The following SQSTM1 variants were observed in gnomAD, a reference collection of about 807,000 sequenced individuals.
SQSTM1 encodes sequestosome 1, also known as sequestosome-1.
In SQSTM1, 36 loss-of-function variants were observed where a neutral mutation model predicts 45.1. That is an observed-to-expected ratio of 0.80 (90% CI 0.61 to 1.05). The LOEUF is 1.05. Ranked by LOEUF, SQSTM1 falls within the 50% of genes least tolerant of loss-of-function variation. The pLI is 0.00. For synonymous variants in SQSTM1, 290 were observed against 244.3 expected (o/e 1.19, Z -1.74); for missense variants, 617 against 607.1 (o/e 1.02, Z -0.17).
chr5:179,834,679 A>G (rs2113516757), intron 7 of SQSTM1, among the ~76,000 whole-genome samples: 1 of 152,276 alleles, frequency 6.6e-6, no homozygotes, highest in Non-Finnish European at 1.5e-5. Context: ...CCCTTAATCC[A>G]TTTAACCCTG....
chr5:179,816,755 C>T (rs1439163199), upstream of SQSTM1, among the ~76,000 whole-genome samples: 1 of 151,418 alleles, frequency 6.6e-6, no homozygotes, highest in Non-Finnish European at 1.5e-5. Flanking sequence ...GTCACTTTGC[C>T]GTCTTCCTCC....
At chr5:179,810,348 T>C (rs1045203873) in intron 1 of SQSTM1, among the ~76,000 whole-genome samples, 1 of 151,900 alleles carries the variant, frequency 6.6e-6, no homozygotes, top group Non-Finnish European at 1.5e-5. Context: ...AATTCCCACC[T>C]ATGAGTGAGA....
chr5:179,828,740 T>C lies in SQSTM1; in HGVS notation c.754+3514T>C, dbSNP rs1428277509. Among the ~76,000 whole-genome samples the C allele has an allele frequency of 2.6e-5, 4 of 152,204 alleles. No homozygotes were observed. In the East Asian group the frequency reaches 7.7e-4, roughly 29 times the overall value. ...AGAAAAATAATTTAAATATTACAGA[T>C]GGAGGTACTTGTAGTTAAGCCTGCT... is the stretch of plus-strand genomic sequence containing the variant. On this transcript the variant is annotated intron_variant, in intron 5 of 7. Coordinates refer to ENST00000389805, the MANE Select transcript of SQSTM1 (RefSeq NM_003900.5).
chr5:179,828,367 A>ATTTT (rs1758082914), intron 5 of SQSTM1, among the ~76,000 whole-genome samples: 2 of 94,660 alleles, frequency 2.1e-5, no homozygotes, highest in African/African-American at 8.5e-5. Context: ...TTTTTTTCTT[A>ATTTT]TCTTTTTTTT....
At chr5:179,820,384 C>A (rs976317069), upstream of SQSTM1, 2 of 152,590 alleles carry the variant, frequency 1.3e-5, no homozygotes, top group Non-Finnish European at 1.5e-5. Flanking sequence ...GGATGCCATG[C>A]GCTGTAAGAG....
At chr5:179,829,034 G>C (rs958600842) in intron 5 of SQSTM1, among the ~76,000 whole-genome samples, 18 of 152,178 alleles carry the variant, frequency 1.2e-4, no homozygotes, top group African/African-American at 3.6e-4. Context: ...CAGGAACAAG[G>C]GGGGAGGGTT....
chr5:179,806,440 C>T lies in SQSTM1; in HGVS notation c.-308C>T. ...CCACCGCCGGGCCCGCTCCCGCCGC[C>T]GACGCCCAGGTGCGCCAGGTGCGGG... On this transcript the variant is annotated 5_prime_UTR_variant, in exon 1 of 6. Transcript: ENST00000514093. This position sits in a 1 kb window ranked among gnomAD's most constrained non-coding sequence, Gnocchi z 4.6. 1.7e-6 allele frequency: 2 copies of T among 1,145,446 alleles called. No homozygotes were observed. Among genetic ancestry groups the T allele is most frequent in the Non-Finnish European group, 1.1e-6 (1 of 913,176 alleles). The allele number at this position is 1,145,446 out of a possible 1,614,324, so 71.0% of individuals were successfully genotyped here. A position where few individuals can be genotyped will look rare whatever the true frequency, so the allele number is the denominator to read the frequency against.
rs1439008947 is a variant in SQSTM1, at chr5:179,834,243, G to A, written c.1165+461G>A. On this transcript the variant is annotated intron_variant, in intron 7 of 7. Transcript: ENST00000389805. ...TGGTGTGGCAGGCAGCAGTGGGGGGGTGGGGGGTGGGGACAGCTGACAGAA... is the reference window on the plus strand; with the variant it reads ...TGGTGTGGCAGGCAGCAGTGGGGGGATGGGGGGTGGGGACAGCTGACAGAA... Among the ~76,000 whole-genome samples the A allele has an allele frequency of 1.6e-4, 15 of 93,504 alleles. 1 individual carries two copies. In the South Asian group the frequency reaches 4.0e-3, roughly 25 times the overall value. 61.3% of individuals were successfully genotyped at this position (93,504 alleles called of 152,430 possible).
In SQSTM1 at chr5:179,837,275, A is replaced by ATGAT. The variant is rs1448249434; in HGVS notation, c.*686_*689dup. On this transcript the variant is annotated 3_prime_UTR_variant, in exon 8 of 8. Coordinates refer to ENST00000389805, the MANE Select transcript of SQSTM1 (RefSeq NM_003900.5). ...ACCAATGACGTTTGCATAGAGAGAA[A>ATGAT]TGATTGACAGTAAGTTTATTGTTAA... The ATGAT allele has an allele frequency of 4.4e-6, 7 of 1,606,734 alleles. No homozygotes were observed. Among genetic ancestry groups the ATGAT allele is most frequent in the South Asian group, 3.3e-5 (3 of 90,600 alleles).
At chr5:179,836,308 C>T (rs972367193) in intron 7 of SQSTM1, 128 bp from the exon 8 acceptor site, 7 of 1,273,598 alleles carry the variant, frequency 5.5e-6, no homozygotes, top group East Asian at 4.6e-5. Context: ...CCTGTGAGGA[C>T]GAGAGCTCTG....
At chr5:179,817,433 C>T (rs1293776726), upstream of SQSTM1, among the ~76,000 whole-genome samples, 1 of 152,196 alleles carries the variant, frequency 6.6e-6, no homozygotes, top group Non-Finnish European at 1.5e-5. Context: ...CCTGAGGGCC[C>T]AGGGTCTCGC....
At chr5:179,819,334 C>T (rs1008654305), upstream of SQSTM1, among the ~76,000 whole-genome samples, 1 of 151,932 alleles carries the variant, frequency 6.6e-6, no homozygotes, top group South Asian at 2.1e-4. Context: ...CCGCCCCCCC[C>T]CCAGTCTCTT....
At chr5:179,823,373 A>G (rs1025692780) in intron 2 of SQSTM1, among the ~76,000 whole-genome samples, 2 of 142,622 alleles carry the variant, frequency 1.4e-5, no homozygotes, top group Non-Finnish European at 3.0e-5. Flanking sequence ...GGCTGAGACG[A>G]GAATCACTTA....
intron 4 of SQSTM1, 36 bp downstream of exon 4, chr5:179,824,359 A>G: frequency 6.2e-7 from 1 of 1,613,192 alleles, no homozygotes; most frequent in South Asian, 1.1e-5. Context: ...CTGATTGGTG[A>G]CAGTAGTCAG....
chr5:179,826,045 C>G (rs60403632), intron 5 of SQSTM1, among the ~76,000 whole-genome samples: 1,678 of 152,246 alleles, frequency 0.011, 38 homozygotes, highest in African/African-American at 0.038. Context: ...GTCCACCCAG[C>G]CTGTCCAAAG....
At chr5:179,836,135 C>G (rs1170622254) in intron 7 of SQSTM1, 2 of 523,260 alleles carry the variant, frequency 3.8e-6, no homozygotes, top group Non-Finnish European at 6.9e-6. Context: ...CTGGCCTGTT[C>G]TTACATTTTA....
intron 1 of SQSTM1, chr5:179,821,628 CG>C: frequency 2.4e-6 from 1 of 418,098 alleles, no homozygotes; most frequent in East Asian, 8.7e-5. Context: ...TAAACAAGCG[CG>C]GGGGTGCGGG....
Position 179,825,196 on chromosome 5 carries a change from G to A in SQSTM1, c.724G>A (p.Glu242Lys). The A allele has an allele frequency of 6.2e-7, 1 of 1,614,096 alleles. No homozygotes were observed. Among genetic ancestry groups the A allele is most frequent in the Non-Finnish European group, 8.5e-7 (1 of 1,180,028 alleles). ...TGTGAATTTCCTGAAGAACGTTGGG[G>A]AGAGTGTGGCAGCTGCCCTTAGCCC... ...PSVNFLKNVGESVAAALSPLG... is the reference protein window; with the variant it reads ...PSVNFLKNVGKSVAAALSPLG... The change falls in exon 5 of 8, where the codon GAG becomes AAG. Residue 242 changes from glutamate (E) to lysine (K), a missense_variant. Coordinates refer to ENST00000389805, the MANE Select transcript of SQSTM1 (RefSeq NM_003900.5).
Position 179,823,911 on chromosome 5 carries a change from C to G in SQSTM1, c.355C>G (p.Arg119Gly), listed in dbSNP as rs548787835. 4.3e-6 allele frequency: 7 copies of G among 1,613,638 alleles called. No homozygotes were observed. In the South Asian group the frequency reaches 7.7e-5, roughly 18 times the overall value. The change falls in exon 3 of 8, where the codon CGC becomes GGC. Residue 119 changes from arginine to glycine, a missense_variant. Physicochemically the swap from Arg to Gly is moderately radical, Grantham distance 125. Transcript: ENST00000389805. ...HRPPCAQEAP[R>G]NMVHPNVICD... ...CCCACCGTGTGCTCAGGAGGCGCCC[C>G]GCAACATGGTGCACCCCAATGTGAT...
Sources: gnomAD v4.1 joint callset for allele counts (sites outside exome capture counted in the v4.1 genomes callset) on GRCh38, gnomAD v4.1.1 for gene constraint, Gnocchi (gnomAD v3.1) non-coding constraint, MANE v1.5 for transcripts, NCBI Gene and HGNC (gene_info 2026-07-23, HGNC 2026-07-21) for gene names.